Variants in ABLIM1 observed in about 807,000 individuals in gnomAD.
The protein encoded by ABLIM1 is actin-binding LIM protein 1.
ABLIM1 carries 40 observed loss-of-function variants against 107.0 expected under a neutral mutation model. The observed-to-expected ratio is 0.37, with a 90% CI of 0.29 to 0.49. The LOEUF is 0.49. Among genes scored for constraint, ABLIM1 ranks in the 20% least tolerant of loss-of-function variants. The pLI, the probability that ABLIM1 is intolerant of heterozygous loss-of-function variation, is 0.97. For missense variants in ABLIM1, 857 were observed against 1,008.5 expected, an observed-to-expected ratio of 0.85 and a Z score of 2.04; for synonymous variants, 357 against 357.3, an observed-to-expected ratio of 1.00 and a Z score of 0.01.
chr10:114,765,738 A>G (rs188896895), intron 1 of ABLIM1, among the ~76,000 whole-genome samples: 53 of 152,346 alleles, frequency 3.5e-4, no homozygotes, highest in African/African-American at 1.2e-3. Flanking sequence ...GCATAAAAAG[A>G]TACGTAAAAT....
At chr10:114,655,855 C>T (rs1298894181) in intron 1 of ABLIM1, among the ~76,000 whole-genome samples, 1 of 152,206 alleles carries the variant, frequency 6.6e-6, no homozygotes, top group African/African-American at 2.4e-5. Flanking sequence ...CAGCAGCTGT[C>T]GAAGTCGGTA....
chr10:114,450,738 G>C (rs758767842), intron 14 of ABLIM1, among the ~76,000 whole-genome samples: 7 of 152,066 alleles, frequency 4.6e-5, no homozygotes, highest in Non-Finnish European at 8.8e-5. Context: ...CACTGCACCT[G>C]GCCTCATGTT....
intron 1 of ABLIM1, among the ~76,000 whole-genome samples, chr10:114,675,133 G>A (rs1453106461): frequency 5.9e-5 from 9 of 151,910 alleles, no homozygotes; most frequent in African/African-American, 2.4e-5. Context: ...ACCCTATGTC[G>A]CCAAGTATCC....
chr10:114,749,483 CA>C (rs2082463073), intron 1 of ABLIM1, among the ~76,000 whole-genome samples: 1 of 150,584 alleles, frequency 6.6e-6, no homozygotes, highest in African/African-American at 2.5e-5. Context: ...CACACACACA[CA>C]CCACAAAACC....
chr10:114,607,429 C>T (rs955834005), intron 1 of ABLIM1, among the ~76,000 whole-genome samples: 5 of 152,226 alleles, frequency 3.3e-5, no homozygotes, highest in African/African-American at 1.2e-4. Context: ...TAACTCCCCA[C>T]TCCTTAAGTA....
chr10:114,452,711 C>T (rs909356947), intron 13 of ABLIM1, among the ~76,000 whole-genome samples: 1 of 152,176 alleles, frequency 6.6e-6, no homozygotes, highest in Non-Finnish European at 1.5e-5. Flanking sequence ...TGATTCTAAA[C>T]ATTAAGATAT....
intron 6 of ABLIM1, among the ~76,000 whole-genome samples, chr10:114,514,994 T>G (rs2062581805): frequency 6.6e-6 from 1 of 152,096 alleles, no homozygotes; most frequent in African/African-American, 2.4e-5. Flanking sequence ...AAATGAAAAA[T>G]CTAACACAAC....
intron 1 of ABLIM1, among the ~76,000 whole-genome samples, chr10:114,671,182 G>A (rs2080238957): frequency 6.6e-6 from 1 of 152,206 alleles, no homozygotes; most frequent in Non-Finnish European, 1.5e-5. Context: ...CATGATTCAT[G>A]TGACAGTATG....
chr10:114,664,249 C>A (rs150612131), intron 1 of ABLIM1, among the ~76,000 whole-genome samples: 2 of 152,166 alleles, frequency 1.3e-5, no homozygotes, highest in East Asian at 3.9e-4. Context: ...CTTCTCTACT[C>A]TTTGAGACTG....
At chr10:114,588,487 C>CTTTTTTTTTTTTT (rs34043960) in intron 2 of ABLIM1, among the ~76,000 whole-genome samples, 41 of 76,542 alleles carry the variant, frequency 5.4e-4, no homozygotes, top group African/African-American at 1.3e-3. Flanking sequence ...TTCTTTCTTT[C>CTTTTTTTTTTTTT]TTTTTTTTTT....
the ABLIM1 span, among the ~76,000 whole-genome samples, chr10:114,787,543 C>A: frequency 6.8e-6 from 1 of 146,940 alleles, no homozygotes. Context: ...GGGGGTCAGC[C>A]CCCCGCCCGG....
chr10:114,583,456 CACACACACACACATATATATATATAT>C (rs2073772161), intron 2 of ABLIM1, among the ~76,000 whole-genome samples: 4 of 13,538 alleles, frequency 3.0e-4, no homozygotes, highest in East Asian at 3.0e-3. Context: ...CACACACACA[CACACACACACACATATATATATATAT>C]ATATATATAT....
upstream of ABLIM1, among the ~76,000 whole-genome samples, chr10:114,660,286 T>A (rs2079732118): frequency 6.6e-6 from 1 of 152,162 alleles, no homozygotes; most frequent in Non-Finnish European, 1.5e-5. Flanking sequence ...ATGTAAGATG[T>A]TCTATCAATG....
At position 114,473,017 on chromosome 10, in the gene ABLIM1, G is replaced by C. The variant is rs766672327; in HGVS notation, c.1235C>G (p.Ser412Trp). ...TCTCTCCTGTTTGTCATCATAGCCCGAAGTGTAGAAAGGCTCATAGGTAAT... is the reference window on the plus strand; with the variant it reads ...TCTCTCCTGTTTGTCATCATAGCCCCAAGTGTAGAAAGGCTCATAGGTAAT... ...DLITYEPFYT[S>W]GYDDKQERQS... Residue 412 changes from serine (S) to tryptophan (W), a missense_variant, in exon 10 of 23, where the codon TCG becomes TGG. Around this residue, in one of 5 missense-constraint regions of ABLIM1, gnomAD observed 381 missense variants for 506.9 expected, o/e 0.75. Transcript: ENST00000533213. 2 of 1,608,494 alleles carry C rather than the reference G, an allele frequency of 1.2e-6. No homozygotes were observed. Among genetic ancestry groups the C allele is most frequent in the African/African-American group, 2.7e-5 (2 of 74,714 alleles).
chr10:114,529,139 T>C (rs1332521751), intron 6 of ABLIM1, among the ~76,000 whole-genome samples: 2 of 151,808 alleles, frequency 1.3e-5, no homozygotes, highest in Non-Finnish European at 2.9e-5. Flanking sequence ...TTTTTTTTTT[T>C]TTTTGAGACA....
intron 1 of ABLIM1, among the ~76,000 whole-genome samples, chr10:114,709,359 A>G (rs1591860683): frequency 6.6e-6 from 1 of 152,228 alleles, no homozygotes; most frequent in East Asian, 1.9e-4. Context: ...TCTTCCAGCC[A>G]TCAGACCTGT....
rs183135651 is a variant in ABLIM1, at chr10:114,645,263, C to T, written c.244+12694G>A. Among the ~76,000 whole-genome samples the T allele has an allele frequency of 3.9e-3, 590 of 151,596 alleles. 3 individuals carry two copies. The highest frequency in any genetic ancestry group is 6.4e-3 in the Non-Finnish European group (435 of 67,998). ...GATGGGGAGGTGGTAGATAAATACC[C>T]CAGCTTCCTCACCCCTTGGCTGGGA... On this transcript the variant is annotated intron_variant, in intron 1 of 22. Transcript: ENST00000533213.
intron 1 of ABLIM1, among the ~76,000 whole-genome samples, chr10:114,680,942 G>C (rs1727012538): frequency 6.6e-6 from 1 of 152,156 alleles, no homozygotes; most frequent in African/African-American, 2.4e-5. Flanking sequence ...CCAATGCCAA[G>C]TATAGGGATG....
intron 6 of ABLIM1, among the ~76,000 whole-genome samples, chr10:114,530,008 C>T (rs2065279313): frequency 6.6e-6 from 1 of 152,018 alleles, no homozygotes; most frequent in African/African-American, 2.4e-5. Context: ...TTGTGGATGC[C>T]AAGAGTGAAA....
Sources: allele counts gnomAD v4.1 joint callset (sites outside exome capture counted in the v4.1 genomes callset), GRCh38; gene constraint gnomAD v4.1.1; regional missense constraint gnomAD v4.1.1; transcripts MANE v1.5; gene names NCBI Gene and HGNC (gene_info 2026-07-23, HGNC 2026-07-21).